Variants in PROSER2 observed in about 807,000 individuals in gnomAD.
The protein encoded by PROSER2 is proline and serine rich 2, also known as proline and serine-rich protein 2.
PROSER2 carries 18 observed loss-of-function variants against 14.6 expected under a neutral mutation model. The observed-to-expected ratio is 1.23, with a 90% confidence interval of 0.85 to 1.83. The LOEUF is 1.83. Ranked by LOEUF, PROSER2 falls within the 40% of genes most tolerant of loss-of-function variation. The pLI is 0.00. For missense variants in PROSER2, 823 were observed against 629.8 expected (o/e 1.31, Z -3.28); for synonymous variants, 367 against 286.4 (o/e 1.28, Z -2.84).
Position 11,870,114 on chromosome 10 carries a change from C to T in PROSER2, c.1016C>T (p.Pro339Leu), listed in dbSNP as rs752312597. The change falls in exon 4 of 4, where the codon CCG (proline) becomes CTG (leucine). Residue 339 changes from proline to leucine, a missense_variant. Transcript: ENST00000277570. ...GCAGGGGGTCAGGCTCCGCGGGGCC[C>T]GGCGCTGGCCAACGGCTTCCCAAGT... The part of the protein sequence containing the change: ...LRAGGQAPRG[P>L]ALANGFPSAH... 2.2e-5 allele frequency: 30 copies of T among 1,349,918 alleles called. No individual in the cohort carries two copies. The highest frequency in any genetic ancestry group is 3.9e-5 in the Admixed American group (1 of 25,712). 83.6% of individuals were successfully genotyped at this position (1,349,918 alleles called of 1,614,324 possible).
In PROSER2 at chr10:11,871,665, C is replaced by T. The variant is rs930450259; in HGVS notation, c.*1259C>T. 7 of 152,168 alleles carry T rather than the reference C, an allele frequency of 4.6e-5. No homozygotes were observed. Among genetic ancestry groups the T allele is most frequent in the African/African-American group, 1.2e-4 (5 of 41,432 alleles). 9.4% of individuals were successfully genotyped at this position (152,168 alleles called of 1,614,324 possible). A position where few individuals can be genotyped will look rare whatever the true frequency, so the allele number is the denominator to read the frequency against. On this transcript the variant is annotated 3_prime_UTR_variant, in exon 4 of 4. Transcript: ENST00000277570. ...CTTACACGCTGAGTTATGCCACAAG[C>T]GTTATCATCAAAACTATTTAAGGCT...
rs939624105 is a variant in PROSER2, at chr10:11,871,100, TTGTG to T, written c.*700_*703del. On this transcript the variant is annotated 3_prime_UTR_variant, in exon 4 of 4. Transcript: ENST00000277570. ...CTGGGACGTGTGCGTGAGCCTGTGT[TTGTG>T]TGTGTATGTTTTTAGATACGTACGT... 2.0e-5 allele frequency: 3 copies of T among 152,194 alleles called. No homozygotes were observed. The highest frequency in any genetic ancestry group is 1.9e-4 in the East Asian group (1 of 5,192). 9.4% of individuals were successfully genotyped at this position (152,194 alleles called of 1,614,324 possible).
chr10:11,865,916 G>C lies in PROSER2; in HGVS notation c.139-615G>C, dbSNP rs1445756632. On this transcript the variant is annotated intron_variant, in intron 2 of 3. Transcript: ENST00000277570. The surrounding 1 kb of genome is among the most constrained non-coding windows in gnomAD (Gnocchi z 4.2). Reference sequence around the variant, plus strand: ...CAGCACCTCCAGGGCCTGAGCTTCTGGGCAGTTCTTCGGGATGCAGCAGGT... The same window carrying C: ...CAGCACCTCCAGGGCCTGAGCTTCTCGGCAGTTCTTCGGGATGCAGCAGGT... Among the ~76,000 whole-genome samples, 1 of 152,142 alleles carries C rather than the reference G, an allele frequency of 6.6e-6. No individual in the cohort carries two copies. Among genetic ancestry groups the C allele is most frequent in the Non-Finnish European group, 1.5e-5 (1 of 68,028 alleles).
Position 11,869,458 on chromosome 10 carries a change from G to T in PROSER2, c.392-32G>T, listed in dbSNP as rs373609004. 1.3e-6 allele frequency: 2 copies of T among 1,527,732 alleles called. No homozygotes were observed. Among genetic ancestry groups the T allele is most frequent in the Non-Finnish European group, 1.8e-6 (2 of 1,102,032 alleles). The allele number at this position is 1,527,732 out of a possible 1,614,324, so 94.6% of individuals were successfully genotyped here. A position where few individuals can be genotyped will look rare whatever the true frequency, so the allele number is the denominator to read the frequency against. On this transcript the variant is annotated intron_variant, in intron 3 of 3. Coordinates refer to ENST00000277570, the MANE Select transcript of PROSER2 (RefSeq NM_153256.4). The surrounding 1 kb of genome is among the most constrained non-coding windows in gnomAD (Gnocchi z 4.4). Reference sequence around the variant, plus strand: ...TCATGCATTTACTTTCACGTGGGCCGGTGGCTCACAGGCTCCTCCCTTGTC... The same window carrying T: ...TCATGCATTTACTTTCACGTGGGCCTGTGGCTCACAGGCTCCTCCCTTGTC...
chr10:11,864,780 G>C (rs1834312747), intron 2 of PROSER2, among the ~76,000 whole-genome samples: 1 of 151,958 alleles, frequency 6.6e-6, no homozygotes, highest in African/African-American at 2.4e-5. Flanking sequence ...GTAGAGACAG[G>C]ATTTTACCAT....
chr10:11,860,751 G>C (rs887290636), intron 2 of PROSER2, among the ~76,000 whole-genome samples: 1 of 152,214 alleles, frequency 6.6e-6, no homozygotes, highest in African/African-American at 2.4e-5. Flanking sequence ...CCGAGCAAGG[G>C]TCGGTTGATG....
Position 11,870,383 on chromosome 10 carries a change from G to A in PROSER2, c.1285G>A (p.Gly429Arg), listed in dbSNP as rs1281762365. 2 of 1,505,320 alleles carry A rather than the reference G, an allele frequency of 1.3e-6. No individual in the cohort carries two copies. Among genetic ancestry groups the A allele is most frequent in the Non-Finnish European group, 1.8e-6 (2 of 1,129,022 alleles). The allele number at this position is 1,505,320 out of a possible 1,614,324, so 93.2% of individuals were successfully genotyped here. A position where few individuals can be genotyped will look rare whatever the true frequency, so the allele number is the denominator to read the frequency against. ...GCGCAGGGAGGCCCTGCGGAAGCTG[G>A]GGCTGCTCAGGGAGAGTTCGTGAGG... ...EARREALRKL[G>R]LLRESS Residue 429 changes from glycine (G) to arginine (R), a missense_variant, in exon 4 of 4, where the codon GGG (glycine) becomes AGG (arginine). Physicochemically the swap from Gly to Arg is moderately radical, Grantham distance 125. Coordinates refer to ENST00000277570, the MANE Select transcript of PROSER2 (RefSeq NM_153256.4).
At chr10:11,832,817 C>CT (rs59913374) in intron 1 of PROSER2, among the ~76,000 whole-genome samples, 17 of 151,098 alleles carry the variant, frequency 1.1e-4, no homozygotes, top group Admixed American at 2.6e-4. Context: ...TTAGGGTGCT[C>CT]TTTTTTTTTT....
chr10:11,851,804 C>G, intron 1 of PROSER2, 193 bp from the exon 2 acceptor site: 1 of 284,866 alleles, frequency 3.5e-6, no homozygotes, highest in Non-Finnish European at 6.5e-6. Context: ...CTTATGTGTT[C>G]AGAATGGTTA....
chr10:11,828,753 G>A (rs1421436290), intron 1 of PROSER2, among the ~76,000 whole-genome samples: 2 of 152,162 alleles, frequency 1.3e-5, no homozygotes, highest in African/African-American at 4.8e-5. Flanking sequence ...AAGAGTTGTA[G>A]TGAAGATTTG....
rs1445449331 is a variant in PROSER2, at chr10:11,869,852, C to T, written c.754C>T (p.Arg252Cys). Residue 252 changes from arginine to cysteine, a missense_variant, in exon 4 of 4, where the codon CGC becomes TGC. Transcript: ENST00000277570. The surrounding 1 kb of genome is among the most constrained non-coding windows in gnomAD (Gnocchi z 4.4). ...PSHPAQPKAP[R>C]FPSNIIVTNG... Reference sequence around the variant, plus strand: ...CCACCCGGCGCAGCCCAAGGCACCCCGCTTCCCCAGCAACATCATCGTCAC... The same window carrying T: ...CCACCCGGCGCAGCCCAAGGCACCCTGCTTCCCCAGCAACATCATCGTCAC... 1.3e-6 allele frequency: 2 copies of T among 1,590,172 alleles called. No individual in the cohort carries two copies.
chr10:11,869,957 G>C lies in PROSER2; in HGVS notation c.859G>C (p.Ala287Pro). Reference sequence around the variant, plus strand: ...GCAGGAGCGCAGGGCGCAGGTGTTGGCCACCATCCACGGCCACGCCGGCGC... The same window carrying C: ...GCAGGAGCGCAGGGCGCAGGTGTTGCCCACCATCCACGGCCACGCCGGCGC... Reference protein sequence around the residue: ...SVQERRAQVLATIHGHAGAFP... With the variant: ...SVQERRAQVLPTIHGHAGAFP... Residue 287 changes from alanine (A) to proline (P), a missense_variant, in exon 4 of 4, where the codon GCC becomes CCC. Physicochemically the swap from Ala to Pro is conservative, Grantham distance 27. Coordinates refer to ENST00000277570, the MANE Select transcript of PROSER2 (RefSeq NM_153256.4). The surrounding 1 kb of genome is among the most constrained non-coding windows in gnomAD (Gnocchi z 4.4). 1 of 1,444,182 alleles carries C rather than the reference G, an allele frequency of 6.9e-7. No homozygotes were observed. Among genetic ancestry groups the C allele is most frequent in the South Asian group, 1.4e-5 (1 of 70,192 alleles). The allele number at this position is 1,444,182 out of a possible 1,614,324, so 89.5% of individuals were successfully genotyped here.
intron 2 of PROSER2, among the ~76,000 whole-genome samples, chr10:11,861,745 A>G (rs1231238059): frequency 2.6e-5 from 4 of 152,102 alleles, no homozygotes; most frequent in Non-Finnish European, 5.9e-5. Context: ...AGAAGCTGCT[A>G]CCCTAAAGCC....
chr10:11,837,920 C>G lies in PROSER2; in HGVS notation c.-81-14077C>G, dbSNP rs577576525. 1.3e-5 allele frequency among the ~76,000 whole-genome samples: 2 copies of G among 151,912 alleles called. No homozygotes were observed. The highest frequency in any genetic ancestry group is 4.8e-5 in the African/African-American group (2 of 41,394). ...TCCTCTTCCTGTTCGTACACCCTTG[C>G]GGTCTTCGGACTTCCCTCCTGAATT... On this transcript the variant is annotated intron_variant, in intron 1 of 3. Transcript: ENST00000277570. This position sits in a 1 kb window ranked among gnomAD's most constrained non-coding sequence, Gnocchi z 4.6.
chr10:11,853,161 G>A (rs1834060120), intron 2 of PROSER2, among the ~76,000 whole-genome samples: 1 of 152,186 alleles, frequency 6.6e-6, no homozygotes, highest in Non-Finnish European at 1.5e-5. Context: ...GATACACTGA[G>A]CCATAAAATT....
At chr10:11,846,714 A>C (rs1370911942) in intron 1 of PROSER2, among the ~76,000 whole-genome samples, 1 of 152,188 alleles carries the variant, frequency 6.6e-6, no homozygotes, top group Admixed American at 6.5e-5. Context: ...GAGTCTGTCT[A>C]ACTGCCAGAG....
intron 1 of PROSER2, among the ~76,000 whole-genome samples, chr10:11,825,076 G>A (rs1368437067): frequency 6.6e-6 from 1 of 152,222 alleles, no homozygotes; most frequent in African/African-American, 2.4e-5. Flanking sequence ...ATCGGCAGCT[G>A]AAGAGATACC....
rs968719994 is a variant in PROSER2, at chr10:11,854,834, G to A, written c.138+2619G>A. On this transcript the variant is annotated intron_variant, in intron 2 of 3. Transcript: ENST00000277570. ...TCACAGCAATACAGCGTCTCTAAAC[G>A]TCATACTCCACTTTTTTGGAAGTGT... is the stretch of plus-strand genomic sequence containing the variant. Among the ~76,000 whole-genome samples the A allele has an allele frequency of 8.6e-5, 13 of 152,002 alleles. 1 individual carries two copies. The East Asian group carries it at 1.2e-3, about 14-fold the overall frequency.
intron 2 of PROSER2, among the ~76,000 whole-genome samples, chr10:11,863,776 C>G (rs892291712): frequency 6.6e-6 from 1 of 152,112 alleles, no homozygotes; most frequent in Non-Finnish European, 1.5e-5. Flanking sequence ...CAATTTCAAT[C>G]TGAGACAACT....
Sources: gnomAD v4.1 joint callset for allele counts (sites outside exome capture counted in the v4.1 genomes callset) on GRCh38, gnomAD v4.1.1 for gene constraint, Gnocchi (gnomAD v3.1) non-coding constraint, MANE v1.5 for transcripts, NCBI Gene and HGNC (gene_info 2026-07-23, HGNC 2026-07-21) for gene names.